RHOBTB1: variants seen among roughly 807,000 people sequenced by gnomAD.
RHOBTB1 encodes Rho related BTB domain containing 1.
In RHOBTB1, 40 loss-of-function variants were observed where a neutral mutation model predicts 71.6. The observed-to-expected ratio is 0.56, with a 90% CI of 0.43 to 0.73. The LOEUF (loss-of-function observed/expected upper bound fraction) is 0.73, where lower values mean the gene tolerates loss of function less well. Ranked by LOEUF, RHOBTB1 falls within the 30% of genes least tolerant of loss-of-function variation. The pLI is 0.00. For synonymous variants in RHOBTB1, 319 were observed against 334.9 expected (o/e 0.95, Z 0.52); for missense variants, 797 against 894.0 (o/e 0.89, Z 1.38).
At chr10:60,892,068 C>A (rs2081950849) in intron 5 of RHOBTB1, among the ~76,000 whole-genome samples, 1 of 152,332 alleles carries the variant, frequency 6.6e-6, no homozygotes, top group Admixed American at 6.5e-5. Context: ...GAGGCCTCCG[C>A]AGCCATGCTA....
chr10:60,974,334 T>C (rs1305026937), intron 2 of RHOBTB1, among the ~76,000 whole-genome samples: 5 of 152,066 alleles, frequency 3.3e-5, no homozygotes, highest in African/African-American at 7.2e-5. Flanking sequence ...TCAAGAGATA[T>C]AAATAGACAT....
chr10:60,861,315 G>A, the RHOBTB1 span, among the ~76,000 whole-genome samples: 2 of 152,268 alleles, frequency 1.3e-5, no homozygotes, highest in African/African-American at 4.8e-5. Context: ...TCCGATATTG[G>A]TCAAATGGAA....
chr10:60,937,020 T>C (rs2084626500), intron 2 of RHOBTB1, among the ~76,000 whole-genome samples: 1 of 152,190 alleles, frequency 6.6e-6, no homozygotes, highest in Non-Finnish European at 1.5e-5. Flanking sequence ...ACCACCAGGA[T>C]AATATAGTCT....
chr10:60,897,852 G>A (rs1472053120), intron 4 of RHOBTB1, among the ~76,000 whole-genome samples: 2 of 152,060 alleles, frequency 1.3e-5, no homozygotes, highest in African/African-American at 2.4e-5. Context: ...GATTACAGGC[G>A]CATGACCATG....
intron 2 of RHOBTB1, among the ~76,000 whole-genome samples, chr10:60,954,840 T>C (rs556687346): frequency 1.4e-4 from 21 of 152,206 alleles, no homozygotes; most frequent in Non-Finnish European, 2.9e-4. Context: ...AAAAGGGAAA[T>C]AGTCTTTTAT....
At chr10:60,946,806 C>T (rs2085253782), upstream of RHOBTB1, among the ~76,000 whole-genome samples, 1 of 152,206 alleles carries the variant, frequency 6.6e-6, no homozygotes, top group Non-Finnish European at 1.5e-5. Context: ...CACCAAGGCT[C>T]ACAGGCTTCC....
At chr10:60,862,488 A>G in the RHOBTB1 span, among the ~76,000 whole-genome samples, 1 of 132,316 alleles carries the variant, frequency 7.6e-6, no homozygotes, top group Admixed American at 7.3e-5. Flanking sequence ...GTGAGCCACC[A>G]TGCTCAGCCT....
intron 1 of RHOBTB1, among the ~76,000 whole-genome samples, chr10:60,997,484 G>C (rs1051430539): frequency 5.9e-5 from 9 of 152,176 alleles, no homozygotes; most frequent in Admixed American, 5.9e-4. Flanking sequence ...ACTTTAGCAA[G>C]GATTGCTGTC....
upstream of RHOBTB1, chr10:61,001,579 C>A: frequency 6.6e-6 from 1 of 152,224 alleles, no homozygotes; most frequent in Non-Finnish European, 1.5e-5. Flanking sequence ...TCCGCCACCT[C>A]GCTCCCGGCC....
At chr10:60,872,938 G>A (rs910539682) in intron 9 of RHOBTB1, among the ~76,000 whole-genome samples, 6 of 152,086 alleles carry the variant, frequency 3.9e-5, no homozygotes, top group African/African-American at 1.4e-4. Flanking sequence ...AGACCTGGTG[G>A]GCCTGCTGCG....
intron 2 of RHOBTB1, among the ~76,000 whole-genome samples, 157 bp downstream of exon 2, chr10:60,941,647 C>T (rs1251360470): frequency 6.6e-6 from 1 of 152,106 alleles, no homozygotes; most frequent in Admixed American, 6.5e-5. Flanking sequence ...TTTTAATAAT[C>T]ATTGAACTTA....
intron 4 of RHOBTB1, among the ~76,000 whole-genome samples, chr10:60,906,580 G>C (rs2082688363): frequency 6.6e-6 from 1 of 152,182 alleles, no homozygotes; most frequent in East Asian, 1.9e-4. Context: ...GTCTGACCTT[G>C]GCCCTTTTTT....
intron 8 of RHOBTB1, among the ~76,000 whole-genome samples, chr10:60,876,576 A>G (rs2081063413): frequency 6.6e-6 from 1 of 152,264 alleles, no homozygotes; most frequent in Non-Finnish European, 1.5e-5. Flanking sequence ...AATAATTTAT[A>G]AAACCTGTGG....
intron 2 of RHOBTB1, among the ~76,000 whole-genome samples, chr10:60,928,203 T>C (rs2084005313): frequency 6.6e-6 from 1 of 152,170 alleles, no homozygotes; most frequent in African/African-American, 2.4e-5. Context: ...AGGGGAACCC[T>C]TGCAAGCTGT....
At chr10:60,939,912 C>T (rs1435227845) in intron 2 of RHOBTB1, among the ~76,000 whole-genome samples, 1 of 152,124 alleles carries the variant, frequency 6.6e-6, no homozygotes, top group African/African-American at 2.4e-5. Context: ...TCCTAGATCT[C>T]TTTTGTTCAT....
At chr10:60,916,023 C>T (rs1422485690) in intron 2 of RHOBTB1, among the ~76,000 whole-genome samples, 1 of 152,180 alleles carries the variant, frequency 6.6e-6, no homozygotes, top group Non-Finnish European at 1.5e-5. Flanking sequence ...AGAAAAAAAA[C>T]TCCTACCTTT....
intron 2 of RHOBTB1, among the ~76,000 whole-genome samples, chr10:60,961,280 G>C (rs547819348): frequency 2.0e-5 from 3 of 152,134 alleles, no homozygotes; most frequent in Non-Finnish European, 4.4e-5. Flanking sequence ...GACACAGTAT[G>C]CCTAGAGCTG....
At chr10:60,910,059 A>G (rs1349252748) in intron 4 of RHOBTB1, among the ~76,000 whole-genome samples, 1 of 152,186 alleles carries the variant, frequency 6.6e-6, no homozygotes, top group Non-Finnish European at 1.5e-5. Context: ...GTAAGGTGAT[A>G]TGATGTTTGA....
upstream of RHOBTB1, among the ~76,000 whole-genome samples, chr10:60,946,157 G>C (rs1485821390): frequency 2.7e-5 from 4 of 150,400 alleles, no homozygotes; most frequent in Non-Finnish European, 4.4e-5. Flanking sequence ...CAGCCTGGGC[G>C]ACAGAGCAAG....
Sources: gnomAD v4.1 joint callset for allele counts (sites outside exome capture counted in the v4.1 genomes callset) on GRCh38, gnomAD v4.1.1 for gene constraint, MANE v1.5 for transcripts, NCBI Gene and HGNC (gene_info 2026-07-23, HGNC 2026-07-21) for gene names.